PIEZO2: variants seen among roughly 807,000 people sequenced by gnomAD.
PIEZO2 encodes piezo type mechanosensitive ion channel component 2.
A neutral mutation model predicts 337.3 loss-of-function variants in PIEZO2; 172 were observed. That is an observed-to-expected ratio of 0.51 (90% CI 0.45 to 0.58). The LOEUF is 0.58. PIEZO2 is among the 20% of genes least tolerant of loss of function. The pLI is 0.00. For missense variants in PIEZO2, 3,028 were observed against 3,391.3 expected, an observed-to-expected ratio of 0.89 and a Z score of 2.66; for synonymous variants, 1,251 against 1,228.5, an observed-to-expected ratio of 1.02 and a Z score of -0.38.
intron 36 of PIEZO2, among the ~76,000 whole-genome samples, chr18:10,729,204 C>T (rs1326287598): frequency 2.0e-5 from 3 of 152,024 alleles, no homozygotes; most frequent in Non-Finnish European, 4.4e-5. Context: ...TAGGATGTAT[C>T]GGGAGAAGAA....
At chr18:11,141,871 C>T (rs2040658714) in intron 1 of PIEZO2, among the ~76,000 whole-genome samples, 3 of 152,144 alleles carry the variant, frequency 2.0e-5, no homozygotes, top group African/African-American at 7.2e-5. Flanking sequence ...GCAGAAGCTT[C>T]CCCCTCCAGG....
Position 11,148,860 on chromosome 18 carries a change from T to G in PIEZO2, c.-272A>C, listed in dbSNP as rs569886935. 133 of 405,468 alleles carry G rather than the reference T, an allele frequency of 3.3e-4. No individual in the cohort carries two copies. The East Asian group carries it at 5.7e-3, about 17-fold the overall frequency. 25.1% of individuals were successfully genotyped at this position (405,468 alleles called of 1,614,324 possible). ...CCCGGCCCCCTGCGGCCGGCCCATT[T>G]AGTGTGAATCCTGGATCCGGCAGCG... is the stretch of plus-strand genomic sequence containing the variant. On this transcript the variant is annotated 5_prime_UTR_variant, in exon 1 of 56. Coordinates refer to ENST00000674853, the MANE Select transcript of PIEZO2 (RefSeq NM_001378183.1). This position sits in a 1 kb window ranked among gnomAD's most constrained non-coding sequence, Gnocchi z 5.2.
At chr18:11,040,464 A>G (rs943634556) in intron 2 of PIEZO2, among the ~76,000 whole-genome samples, 26 of 152,230 alleles carry the variant, frequency 1.7e-4, no homozygotes, top group African/African-American at 5.8e-4. Context: ...TGATAAGTAA[A>G]GCAATTCTGT....
rs1260501993 is a variant in PIEZO2, at chr18:10,830,904, C to T, written c.918-23630G>A. Among the ~76,000 whole-genome samples, 2 of 152,136 alleles carry T rather than the reference C, an allele frequency of 1.3e-5. No individual in the cohort carries two copies. The highest frequency in any genetic ancestry group is 1.3e-4 in the Admixed American group (2 of 15,268). ...TAGACATGTCTCAAAAGAAGACATA[C>T]AAATGGCAAACAGGCATATGCAAAA... On this transcript the variant is annotated intron_variant, in intron 7 of 55. Transcript: ENST00000674853. The surrounding 1 kb of genome is among the most constrained non-coding windows in gnomAD (Gnocchi z 4.7).
intron 2 of PIEZO2, among the ~76,000 whole-genome samples, chr18:11,043,571 A>G (rs2037195851): frequency 6.6e-6 from 1 of 152,226 alleles, no homozygotes; most frequent in African/African-American, 2.4e-5. Context: ...AGAGCAAGAG[A>G]GAGACAACAA....
At chr18:10,898,378 G>A (rs561403759) in intron 4 of PIEZO2, among the ~76,000 whole-genome samples, 19 of 151,942 alleles carry the variant, frequency 1.3e-4, no homozygotes, top group African/African-American at 3.9e-4. Flanking sequence ...CCGAAATTGC[G>A]CCAGTGCACT....
intron 1 of PIEZO2, among the ~76,000 whole-genome samples, chr18:11,075,648 C>G (rs180685138): frequency 6.6e-6 from 1 of 152,308 alleles, no homozygotes; most frequent in Non-Finnish European, 1.5e-5. Flanking sequence ...CAATGCCAGT[C>G]TCTCCCACCA....
intron 2 of PIEZO2, among the ~76,000 whole-genome samples, chr18:11,053,995 G>A (rs998902738): frequency 6.6e-6 from 1 of 152,194 alleles, no homozygotes; most frequent in South Asian, 2.1e-4. Context: ...CTGCACTCCA[G>A]CCTGGGCGAC....
chr18:10,748,388 C>T lies in PIEZO2; in HGVS notation c.4424+83G>A. On this transcript the variant is annotated intron_variant, in intron 30 of 55. Transcript: ENST00000674853. This position sits in a 1 kb window ranked among gnomAD's most constrained non-coding sequence, Gnocchi z 5.1. ...CTTAACTTCTTGTGGGTTCTAGAAG[C>T]AAGCTCAGACAGAAATGATAGTGCA... is the stretch of plus-strand genomic sequence containing the variant. 1.5e-6 allele frequency: 2 copies of T among 1,374,824 alleles called. No homozygotes were observed. Among genetic ancestry groups the T allele is most frequent in the African/African-American group, 1.5e-5 (1 of 68,596 alleles). 85.2% of individuals were successfully genotyped at this position (1,374,824 alleles called of 1,614,324 possible).
chr18:11,148,778 G>GCCCACCGGGCTCTGGGTAGCCCCTCA lies in PIEZO2; in HGVS notation c.-216_-191dup. 3 of 553,866 alleles carry GCCCACCGGGCTCTGGGTAGCCCCTCA rather than the reference G, an allele frequency of 5.4e-6. No individual in the cohort carries two copies. Among genetic ancestry groups the GCCCACCGGGCTCTGGGTAGCCCCTCA allele is most frequent in the Non-Finnish European group, 6.1e-6 (2 of 325,708 alleles). 34.3% of individuals were successfully genotyped at this position (553,866 alleles called of 1,614,324 possible). On this transcript the variant is annotated 5_prime_UTR_variant, in exon 1 of 56. Coordinates refer to ENST00000674853, the MANE Select transcript of PIEZO2 (RefSeq NM_001378183.1). This position sits in a 1 kb window ranked among gnomAD's most constrained non-coding sequence, Gnocchi z 5.2. ...CTCCCGGGGCTCTTGGCCGCCCCTC[G>GCCCACCGGGCTCTGGGTAGCCCCTCA]CCCACCGGGCTCTGGGTAGCCCCTC...
intron 39 of PIEZO2, among the ~76,000 whole-genome samples, chr18:10,711,992 CAAAT>C (rs1222599673): frequency 7.4e-6 from 1 of 135,214 alleles, no homozygotes; most frequent in Non-Finnish European, 1.6e-5. Context: ...AATGAACAAA[CAAAT>C]AAAAGAAACA....
intron 49 of PIEZO2, among the ~76,000 whole-genome samples, chr18:10,685,869 G>C (rs1247652984): frequency 6.6e-6 from 1 of 152,144 alleles, no homozygotes; most frequent in African/African-American, 2.4e-5. Context: ...CGCAGGCTGC[G>C]GGCACGAGAT....
chr18:11,056,796 C>T (rs1013578305), intron 2 of PIEZO2, among the ~76,000 whole-genome samples: 10 of 152,088 alleles, frequency 6.6e-5, no homozygotes, highest in African/African-American at 2.2e-4. Context: ...GTCCATTAGC[C>T]TTTCCAGGTG....
intron 16 of PIEZO2, among the ~76,000 whole-genome samples, chr18:10,785,834 T>C (rs1284664615): frequency 1.3e-5 from 2 of 152,142 alleles, no homozygotes; most frequent in Admixed American, 6.6e-5. Context: ...TCGCTTTTTC[T>C]CAGCTAGTCA....
At chr18:10,963,385 T>C (rs1395953298) in intron 3 of PIEZO2, among the ~76,000 whole-genome samples, 1 of 152,144 alleles carries the variant, frequency 6.6e-6, no homozygotes, top group Non-Finnish European at 1.5e-5. Context: ...CTAAAAGCAA[T>C]GTTTCTGTAT....
rs904305148 is a variant in PIEZO2 at position 10,824,942 on chromosome 18, C to T, written c.918-17668G>A. 6.6e-6 allele frequency among the ~76,000 whole-genome samples: 1 copy of T among 152,188 alleles called. No homozygotes were observed. Among genetic ancestry groups the T allele is most frequent in the Admixed American group, 6.5e-5 (1 of 15,280 alleles). ...GCAGTGGTGTGATCTTGGCTCACTG[C>T]AACCTCCACTTCCTGGGTCCAAGTG... On this transcript the variant is annotated intron_variant, in intron 7 of 55. Transcript: ENST00000674853. The surrounding 1 kb of genome is among the most constrained non-coding windows in gnomAD (Gnocchi z 4.4).
chr18:11,014,317 G>A (rs139669352), intron 2 of PIEZO2, among the ~76,000 whole-genome samples: 65 of 69,444 alleles, frequency 9.4e-4, no homozygotes, highest in African/African-American at 2.8e-3. Flanking sequence ...GTGGGACAGC[G>A]ATCCGGGGCT....
At chr18:10,956,901 G>A (rs1445794281) in intron 3 of PIEZO2, among the ~76,000 whole-genome samples, 6 of 149,744 alleles carry the variant, frequency 4.0e-5, no homozygotes, top group Admixed American at 1.3e-4. Context: ...CCCAGGAGGC[G>A]GAGGCTGCAG....
At chr18:10,739,685 G>A (rs2037142032) in intron 33 of PIEZO2, 1 of 152,218 alleles carries the variant, frequency 6.6e-6, no homozygotes, top group Non-Finnish European at 1.5e-5. Context: ...ACAGTAAATA[G>A]AAGAGTCACA....
Sources: gnomAD v4.1 joint callset for allele counts (sites outside exome capture counted in the v4.1 genomes callset) on GRCh38, gnomAD v4.1.1 for gene constraint, Gnocchi (gnomAD v3.1) non-coding constraint, MANE v1.5 for transcripts, NCBI Gene and HGNC (gene_info 2026-07-23, HGNC 2026-07-21) for gene names.